Variants in LARP4B observed in about 807,000 individuals in gnomAD.
The protein encoded by LARP4B is la-related protein 4B.
Under a neutral mutation model 89.8 loss-of-function variants are expected in LARP4B, and 12 were observed. That is an observed-to-expected ratio of 0.13 (90% CI 0.09 to 0.22). The LOEUF (loss-of-function observed/expected upper bound fraction) is 0.22. LARP4B is among the 10% of genes least tolerant of loss of function. The pLI is 1.00. For missense variants in LARP4B, 757 were observed against 947.7 expected, an observed-to-expected ratio of 0.80 and a Z score of 2.64; for synonymous variants, 367 against 363.3, an observed-to-expected ratio of 1.01 and a Z score of -0.12.
chr10:848,300 C>G (rs1305143245), intron 5 of LARP4B, among the ~76,000 whole-genome samples: 1 of 152,112 alleles, frequency 6.6e-6, no homozygotes, highest in Non-Finnish European at 1.5e-5. Flanking sequence ...TCCAAGAAAC[C>G]TGGCTGCATC....
intron 1 of LARP4B, among the ~76,000 whole-genome samples, chr10:887,459 C>T (rs551972720): frequency 6.6e-6 from 1 of 151,814 alleles, no homozygotes; most frequent in African/African-American, 2.4e-5. Flanking sequence ...CCTATAAATC[C>T]CAGCACTTTG....
the LARP4B span, among the ~76,000 whole-genome samples, chr10:963,558 G>A: frequency 6.6e-6 from 1 of 152,200 alleles, no homozygotes; most frequent in African/African-American, 2.4e-5. Flanking sequence ...GAAATAGAAA[G>A]ATGAATGGGT....
chr10:882,875 G>A (rs780785060), intron 3 of LARP4B, among the ~76,000 whole-genome samples: 2 of 152,156 alleles, frequency 1.3e-5, no homozygotes, highest in Non-Finnish European at 2.9e-5. Context: ...CCTCAACCCT[G>A]ACTGCTAAAT....
chr10:857,321 G>GA (rs1342449482), intron 5 of LARP4B, among the ~76,000 whole-genome samples: 1 of 151,810 alleles, frequency 6.6e-6, no homozygotes, highest in Non-Finnish European at 1.5e-5. Context: ...CAAGGAGGGG[G>GA]AAAAAAACTG....
At chr10:866,201 T>C (rs763834180) in intron 3 of LARP4B, among the ~76,000 whole-genome samples, 7 of 152,088 alleles carry the variant, frequency 4.6e-5, no homozygotes, top group Non-Finnish European at 7.3e-5. Flanking sequence ...TGGAATTCTT[T>C]TTAGTTTTTG....
downstream of LARP4B, chr10:808,720 A>C (rs1186314466): frequency 7.1e-6 from 1 of 140,250 alleles, no homozygotes; most frequent in Non-Finnish European, 1.5e-5. Flanking sequence ...AGCTGGATTA[A>C]AAGCGTGTGT....
the LARP4B span, among the ~76,000 whole-genome samples, chr10:955,877 G>GTTCC: frequency 6.6e-6 from 1 of 152,146 alleles, no homozygotes; most frequent in African/African-American, 2.4e-5. This position sits in a 1 kb window ranked among gnomAD's most constrained non-coding sequence, Gnocchi z 5.2. Context: ...CTGGCCTTGA[G>GTTCC]TTCCTCCTCT....
chr10:988,329 C>A, the LARP4B span: 1 of 663,750 alleles, frequency 1.5e-6, no homozygotes, highest in Non-Finnish European at 2.7e-6. Context: ...GTGCGCTGTG[C>A]GACGCGGAAA....
intron 9 of LARP4B, 121 bp downstream of exon 9, chr10:830,746 C>A: frequency 3.4e-6 from 2 of 585,004 alleles, no homozygotes; most frequent in Non-Finnish European, 3.1e-6. Flanking sequence ...ATTTCCTCTG[C>A]AGATTATATT....
In LARP4B at chr10:825,170, G is replaced by C. The variant is rs140223312; in HGVS notation, c.1379C>G (p.Thr460Ser). 299 of 1,614,172 alleles carry C rather than the reference G, an allele frequency of 1.9e-4. No individual in the cohort carries two copies. Among genetic ancestry groups the C allele is most frequent in the Non-Finnish European group, 2.3e-4 (274 of 1,180,022 alleles). ...RSPQTRQAGQ[T>S]RTRIQNPSAY... ...TGAAGGGTTTTGAATCCGTGTTCTA[G>C]TTTGACCTGCTTGCCTTGTTTGTGG... Residue 460 changes from threonine to serine, a missense_variant, in exon 13 of 18, where the codon ACT becomes AGT. Transcript: ENST00000316157.
chr10:912,534 C>A (rs1836695569), intron 1 of LARP4B, among the ~76,000 whole-genome samples: 1 of 151,966 alleles, frequency 6.6e-6, no homozygotes, highest in Non-Finnish European at 1.5e-5. Flanking sequence ...CAAGAAACAT[C>A]TAGGTTGGAA....
intron 1 of LARP4B, among the ~76,000 whole-genome samples, chr10:887,516 GC>G (rs1835893242): frequency 1.3e-5 from 2 of 151,650 alleles, no homozygotes; most frequent in Admixed American, 1.3e-4. Flanking sequence ...TTCGAGACCA[GC>G]CTGGCCAACA....
chr10:915,411 T>A (rs1277348366), intron 1 of LARP4B, among the ~76,000 whole-genome samples: 2 of 150,760 alleles, frequency 1.3e-5, no homozygotes, highest in Non-Finnish European at 3.0e-5. Context: ...TTTGCTCACC[T>A]TTTGAATAAG....
chr10:946,307 C>T, the LARP4B span, among the ~76,000 whole-genome samples: 1 of 152,066 alleles, frequency 6.6e-6, no homozygotes, highest in Non-Finnish European at 1.5e-5. Context: ...GCCTTTACAC[C>T]CCTTTCCTTC....
the LARP4B span, among the ~76,000 whole-genome samples, chr10:943,243 G>T: frequency 6.6e-6 from 1 of 152,086 alleles, no homozygotes; most frequent in Non-Finnish European, 1.5e-5. Context: ...CACCGCACCT[G>T]GCCTCACAAG....
In LARP4B at chr10:929,121, C is replaced by G. The variant is rs150178740; in HGVS notation, c.-40+2307G>C. 3.1e-3 allele frequency among the ~76,000 whole-genome samples: 479 copies of G among 152,068 alleles called. 4 individuals are homozygous for G. Among genetic ancestry groups the G allele is most frequent in the African/African-American group, 0.011 (453 of 41,496 alleles). On this transcript the variant is annotated intron_variant, in intron 1 of 17. Transcript: ENST00000316157. The stretch of plus-strand genomic sequence containing the variant: ...AATAGTACCCATGTTATCTTTTTTT[C>G]TGTCTGGTTCCTACTCAAAAAGAGT...
At chr10:902,685 C>T (rs576987472) in intron 1 of LARP4B, among the ~76,000 whole-genome samples, 20 of 150,472 alleles carry the variant, frequency 1.3e-4, no homozygotes, top group Non-Finnish European at 1.5e-4. Flanking sequence ...CACTCTGTTG[C>T]CCAGGCTGGA....
intron 5 of LARP4B, among the ~76,000 whole-genome samples, chr10:854,950 T>C (rs1834229693): frequency 6.6e-6 from 1 of 152,254 alleles, no homozygotes; most frequent in Admixed American, 6.5e-5. Flanking sequence ...CCAGATCTTC[T>C]GGATAACTTG....
chr10:832,915 T>C (rs1832983982), intron 8 of LARP4B, among the ~76,000 whole-genome samples: 1 of 152,224 alleles, frequency 6.6e-6, no homozygotes, highest in Non-Finnish European at 1.5e-5. Flanking sequence ...GTTTTTCTTA[T>C]TTTTAATCTC....
Sources: allele counts gnomAD v4.1 joint callset (sites outside exome capture counted in the v4.1 genomes callset), GRCh38; gene constraint gnomAD v4.1.1; non-coding constraint Gnocchi (gnomAD v3.1); transcripts MANE v1.5; gene names NCBI Gene and HGNC (gene_info 2026-07-23, HGNC 2026-07-21).